The following REC114 variants were observed in gnomAD, a reference collection of about 807,000 sequenced individuals.
REC114 encodes meiotic recombination protein REC114.
A neutral mutation model predicts 31.3 loss-of-function variants in REC114; 27 were observed. That is an observed-to-expected ratio of 0.86 (90% CI 0.64 to 1.19). REC114 has a LOEUF of 1.19. Ranked by LOEUF, REC114 falls within the 50% of genes most tolerant of loss-of-function variation. The pLI, the probability that REC114 is intolerant of heterozygous loss-of-function variation, is 0.00. For synonymous variants in REC114, 134 were observed against 127.7 expected, an observed-to-expected ratio of 1.05 and a Z score of -0.33; for missense variants, 344 against 326.9, an observed-to-expected ratio of 1.05 and a Z score of -0.40.
At chr15:73,451,444 C>G (rs1892846717) in intron 1 of REC114, among the ~76,000 whole-genome samples, 1 of 152,102 alleles carries the variant, frequency 6.6e-6, no homozygotes, top group African/African-American at 2.4e-5. Flanking sequence ...GAAGTTGAAT[C>G]CCTGAATAGA....
At chr15:73,557,344 A>G (rs970449751) in intron 5 of REC114, among the ~76,000 whole-genome samples, 1 of 151,146 alleles carries the variant, frequency 6.6e-6, no homozygotes, top group African/African-American at 2.4e-5. Context: ...TGCTAGGATT[A>G]CAGGTGTTAG....
intron 2 of REC114, among the ~76,000 whole-genome samples, chr15:73,484,696 G>A (rs1398986981): frequency 2.0e-5 from 3 of 152,114 alleles, no homozygotes; most frequent in African/African-American, 7.2e-5. Context: ...TCTATTTCCA[G>A]CCATTCCTTT....
chr15:73,514,255 G>A (rs1255793280), intron 2 of REC114, among the ~76,000 whole-genome samples: 1 of 151,442 alleles, frequency 6.6e-6, no homozygotes, highest in African/African-American at 2.4e-5. Flanking sequence ...GGAACTCCCT[G>A]ACCCCTTGCG....
chr15:73,503,549 A>T (rs1037099625), intron 2 of REC114, among the ~76,000 whole-genome samples: 1 of 152,162 alleles, frequency 6.6e-6, no homozygotes, highest in African/African-American at 2.4e-5. Flanking sequence ...TAGTTACATT[A>T]TGGGGTGGGT....
At chr15:73,470,003 A>G (rs970531018) in intron 1 of REC114, among the ~76,000 whole-genome samples, 1 of 151,524 alleles carries the variant, frequency 6.6e-6, no homozygotes, top group Non-Finnish European at 1.5e-5. Context: ...TTTGTTTTTA[A>G]CCTGTTTGTT....
At chr15:73,505,773 C>A (rs1893667907) in intron 2 of REC114, among the ~76,000 whole-genome samples, 1 of 152,126 alleles carries the variant, frequency 6.6e-6, no homozygotes, top group Non-Finnish European at 1.5e-5. Flanking sequence ...ACCTCGTGAT[C>A]CGCCTGCCTC....
At position 73,491,902 on chromosome 15, in the gene REC114, G is replaced by GA. The variant is rs34716056; in HGVS notation, c.249+17993dup. ...GTGACAGAGTGAAACTCTGTCTCAAGAAAAAAAAAAAAGTGATTGTACCAT... is the reference window on the plus strand; with the variant it reads ...GTGACAGAGTGAAACTCTGTCTCAAGAAAAAAAAAAAAAGTGATTGTACCAT... On this transcript the variant is annotated intron_variant, in intron 2 of 5. Transcript: ENST00000331090. 9.1e-3 allele frequency among the ~76,000 whole-genome samples: 1,301 copies of GA among 143,258 alleles called. 4 individuals are homozygous for GA. The highest frequency in any genetic ancestry group is 0.014 in the Non-Finnish European group (922 of 64,968). 94.0% of individuals were successfully genotyped at this position (143,258 alleles called of 152,430 possible).
chr15:73,511,961 C>T (rs879163730), intron 2 of REC114, among the ~76,000 whole-genome samples: 3 of 120,412 alleles, frequency 2.5e-5, no homozygotes, highest in African/African-American at 7.3e-5. Context: ...CTATTAGGTC[C>T]GCTTGGTGCA....
At chr15:73,486,981 A>T (rs1284030788) in intron 2 of REC114, among the ~76,000 whole-genome samples, 1 of 151,926 alleles carries the variant, frequency 6.6e-6, no homozygotes, top group Non-Finnish European at 1.5e-5. Context: ...AGATCGCACC[A>T]TTGCACTCCA....
chr15:73,495,537 T>A (rs1893508856), intron 2 of REC114, among the ~76,000 whole-genome samples: 1 of 151,912 alleles, frequency 6.6e-6, no homozygotes, highest in Non-Finnish European at 1.5e-5. Context: ...AGAGAACTTT[T>A]TTTTTGCTGT....
At chr15:73,555,679 C>T (rs1178140631) in intron 4 of REC114, among the ~76,000 whole-genome samples, 2 of 152,198 alleles carry the variant, frequency 1.3e-5, no homozygotes, top group South Asian at 4.1e-4. Flanking sequence ...CTCCTATCCC[C>T]GTACCACCCC....
intron 4 of REC114, among the ~76,000 whole-genome samples, chr15:73,553,184 C>T (rs1894415952): frequency 6.6e-6 from 1 of 152,122 alleles, no homozygotes; most frequent in African/African-American, 2.4e-5. Flanking sequence ...ATTATACAAT[C>T]TTTTTCTTTA....
intron 2 of REC114, among the ~76,000 whole-genome samples, chr15:73,538,280 A>C (rs1894186520): frequency 6.6e-6 from 1 of 152,166 alleles, no homozygotes; most frequent in Non-Finnish European, 1.5e-5. Flanking sequence ...AGTATAAAAA[A>C]AATGCAAACT....
At chr15:73,454,259 A>G (rs1221228949) in intron 1 of REC114, among the ~76,000 whole-genome samples, 2 of 152,092 alleles carry the variant, frequency 1.3e-5, no homozygotes, top group African/African-American at 2.4e-5. Context: ...TGATTGATTA[A>G]CTTTGTTGAA....
chr15:73,529,805 C>T (rs2141324095), intron 2 of REC114, among the ~76,000 whole-genome samples: 1 of 152,252 alleles, frequency 6.6e-6, no homozygotes, highest in African/African-American at 2.4e-5. Context: ...ATTTGTTTAA[C>T]TTCCCCTAGA....
chr15:73,519,860 T>C (rs146943349), intron 2 of REC114, among the ~76,000 whole-genome samples: 52 of 152,306 alleles, frequency 3.4e-4, no homozygotes, highest in Non-Finnish European at 6.9e-4. Flanking sequence ...CTAAGTGAAA[T>C]AAGCCAGTCT....
At chr15:73,507,525 A>AG (rs1202502529) in intron 2 of REC114, among the ~76,000 whole-genome samples, 1 of 152,124 alleles carries the variant, frequency 6.6e-6, no homozygotes, top group South Asian at 2.1e-4. Flanking sequence ...ATCCCTAGGG[A>AG]GGGGACCTAG....
chr15:73,532,046 C>T (rs981259893), intron 2 of REC114, among the ~76,000 whole-genome samples: 2 of 148,220 alleles, frequency 1.3e-5, no homozygotes, highest in African/African-American at 5.0e-5. Flanking sequence ...AGGTTAGTTA[C>T]ATATGTATAC....
intron 2 of REC114, among the ~76,000 whole-genome samples, chr15:73,479,388 T>A (rs1365686571): frequency 6.6e-6 from 1 of 151,696 alleles, no homozygotes; most frequent in Non-Finnish European, 1.5e-5. Flanking sequence ...ATGACTGTAG[T>A]CAAACGAATT....
Sources: gnomAD v4.1 joint callset for allele counts (sites outside exome capture counted in the v4.1 genomes callset) on GRCh38, gnomAD v4.1.1 for gene constraint, MANE v1.5 for transcripts, NCBI Gene and HGNC (gene_info 2026-07-23, HGNC 2026-07-21) for gene names.